ADAM12: variants seen among roughly 807,000 people sequenced by gnomAD.
The protein encoded by ADAM12 is disintegrin and metalloproteinase domain-containing protein 12.
Under a neutral mutation model 106.4 loss-of-function variants are expected in ADAM12, and 70 were observed. That is an observed-to-expected ratio of 0.66 (90% CI 0.54 to 0.80). The LOEUF (loss-of-function observed/expected upper bound fraction) is 0.80, where lower values mean the gene tolerates loss of function less well. Ranked by LOEUF, ADAM12 falls within the 30% of genes least tolerant of loss-of-function variation. The probability of loss-of-function intolerance (pLI) is 0.00; values close to 1 mark genes in which losing one functional copy is unlikely to be tolerated. For missense variants in ADAM12, 1,010 were observed against 1,171.9 expected, an observed-to-expected ratio of 0.86 and a Z score of 2.02; for synonymous variants, 420 against 433.5, an observed-to-expected ratio of 0.97 and a Z score of 0.39.
chr10:126,270,194 C>A (rs570045424), intron 3 of ADAM12, among the ~76,000 whole-genome samples: 1 of 152,282 alleles, frequency 6.6e-6, no homozygotes, highest in South Asian at 2.1e-4. Context: ...TGCACCATCA[C>A]CCTTTCATCA....
chr10:126,197,486 G>T (rs1253550215), intron 3 of ADAM12, among the ~76,000 whole-genome samples: 1 of 152,214 alleles, frequency 6.6e-6, no homozygotes, highest in Admixed American at 6.5e-5. Context: ...GGAGAGGACA[G>T]TCGTGTGCTT....
At chr10:126,245,026 G>A (rs965850359) in intron 3 of ADAM12, among the ~76,000 whole-genome samples, 2 of 152,202 alleles carry the variant, frequency 1.3e-5, no homozygotes, top group African/African-American at 4.8e-5. Context: ...TTGCACCAAG[G>A]AGAAGGAAGA....
At chr10:126,039,820 C>T (rs940423280) in intron 18 of ADAM12, among the ~76,000 whole-genome samples, 3 of 152,210 alleles carry the variant, frequency 2.0e-5, no homozygotes, top group African/African-American at 4.8e-5. Context: ...CAGTCCCCAG[C>T]ACAGATTTGC....
At chr10:126,131,542 T>G (rs949352677) in intron 5 of ADAM12, among the ~76,000 whole-genome samples, 4 of 152,086 alleles carry the variant, frequency 2.6e-5, no homozygotes, top group Non-Finnish European at 5.9e-5. Flanking sequence ...CAGGCTTAGA[T>G]GAGATCATGA....
At chr10:126,099,936 T>C (rs1005175985) in intron 9 of ADAM12, among the ~76,000 whole-genome samples, 2 of 152,042 alleles carry the variant, frequency 1.3e-5, no homozygotes. Flanking sequence ...TAAAAATTTG[T>C]CACTTCTAGA....
chr10:126,225,016 G>A (rs1223261106), intron 3 of ADAM12, among the ~76,000 whole-genome samples: 1 of 152,244 alleles, frequency 6.6e-6, no homozygotes, highest in South Asian at 2.1e-4. Flanking sequence ...AGTCAGGTTT[G>A]GGAGTGAGAA....
At chr10:126,201,411 A>G (rs1271168087) in intron 3 of ADAM12, among the ~76,000 whole-genome samples, 1 of 151,930 alleles carries the variant, frequency 6.6e-6, no homozygotes, top group Non-Finnish European at 1.5e-5. Context: ...CAGAGACTGG[A>G]GTGTTGTTGC....
intron 13 of ADAM12, among the ~76,000 whole-genome samples, chr10:126,065,575 A>G (rs1215149654): frequency 6.6e-6 from 1 of 152,160 alleles, no homozygotes; most frequent in Non-Finnish European, 1.5e-5. Context: ...CATCTGACCA[A>G]TGGCTCAGCT....
intron 3 of ADAM12, among the ~76,000 whole-genome samples, chr10:126,159,691 G>A (rs1350498760): frequency 6.6e-6 from 1 of 152,168 alleles, no homozygotes; most frequent in Admixed American, 6.5e-5. Flanking sequence ...GGGGATTAGA[G>A]AAAACGAGCT....
intron 4 of ADAM12, 67 bp downstream of exon 4, chr10:126,155,160 T>C: frequency 3.9e-6 from 6 of 1,554,662 alleles, no homozygotes; most frequent in Non-Finnish European, 5.3e-6. Context: ...CCGAATAAAA[T>C]GGCTACAAAG....
At chr10:126,236,904 T>G (rs1958428593) in intron 3 of ADAM12, among the ~76,000 whole-genome samples, 1 of 152,176 alleles carries the variant, frequency 6.6e-6, no homozygotes, top group African/African-American at 2.4e-5. Context: ...CCATCCACCC[T>G]GGGCATGGGC....
intron 2 of ADAM12, among the ~76,000 whole-genome samples, chr10:126,321,272 C>A (rs183844280): frequency 6.6e-6 from 1 of 152,144 alleles, no homozygotes; most frequent in Non-Finnish European, 1.5e-5. Context: ...CCTGCATTAT[C>A]CAAATTTGTT....
intron 1 of ADAM12, among the ~76,000 whole-genome samples, chr10:126,336,583 A>G (rs1375983334): frequency 6.6e-6 from 1 of 152,184 alleles, no homozygotes; most frequent in African/African-American, 2.4e-5. Context: ...ACTCTCCAGC[A>G]TACTCTAGAA....
chr10:126,165,564 G>A (rs1957009565), intron 3 of ADAM12, among the ~76,000 whole-genome samples: 1 of 152,168 alleles, frequency 6.6e-6, no homozygotes, highest in South Asian at 2.1e-4. Flanking sequence ...CACTCAGAGA[G>A]GTTAAGTGAC....
intron 1 of ADAM12, among the ~76,000 whole-genome samples, chr10:126,355,632 G>A (rs2133893821): frequency 6.6e-6 from 1 of 152,328 alleles, no homozygotes; most frequent in African/African-American, 2.4e-5. Context: ...AGGGCCCATG[G>A]TTTCTGCAGT....
chr10:126,102,278 A>C (rs1331098295), intron 8 of ADAM12, among the ~76,000 whole-genome samples: 1 of 152,132 alleles, frequency 6.6e-6, no homozygotes, highest in Non-Finnish European at 1.5e-5. Flanking sequence ...CAATGCCCCT[A>C]GTGTATGAGG....
chr10:126,347,187 T>C (rs1332914490), intron 1 of ADAM12, among the ~76,000 whole-genome samples: 1 of 152,204 alleles, frequency 6.6e-6, no homozygotes, highest in Non-Finnish European at 1.5e-5. Flanking sequence ...TGTTTAGTGC[T>C]TCCTTCAGGA....
chr10:126,164,814 T>C (rs1280442350), intron 3 of ADAM12, among the ~76,000 whole-genome samples: 1 of 152,212 alleles, frequency 6.6e-6, no homozygotes, highest in Admixed American at 6.5e-5. Context: ...ATCATTGGCT[T>C]TTCTGGACTA....
Position 126,135,568 on chromosome 10 carries a change from G to A in ADAM12, c.416+16C>T. ...GATGGCTGAAGACTAGAGCCGCCAT[G>A]GTCATGGCCACTTACCTGAGACCAG... On this transcript the variant is annotated intron_variant, in intron 5 of 22. Transcript: ENST00000448723. 6.2e-7 allele frequency: 1 copy of A among 1,612,424 alleles called. No homozygotes were observed. Among genetic ancestry groups the A allele is most frequent in the Non-Finnish European group, 8.5e-7 (1 of 1,178,444 alleles).
Sources: gnomAD v4.1 joint callset for allele counts (sites outside exome capture counted in the v4.1 genomes callset) on GRCh38, gnomAD v4.1.1 for gene constraint, MANE v1.5 for transcripts, NCBI Gene and HGNC (gene_info 2026-07-23, HGNC 2026-07-21) for gene names.